The following NCAPH variants were observed in gnomAD, a reference collection of about 807,000 sequenced individuals.
NCAPH encodes condensin complex subunit 2.
In NCAPH, 38 loss-of-function variants were observed where a neutral mutation model predicts 85.5. That is an observed-to-expected ratio of 0.44 (90% CI 0.34 to 0.58). The LOEUF is 0.58. Ranked by LOEUF, NCAPH falls within the 20% of genes least tolerant of loss-of-function variation. The pLI is 0.01. For synonymous variants in NCAPH, 301 were observed against 335.1 expected (o/e 0.90, Z 1.11); for missense variants, 789 against 916.6 (o/e 0.86, Z 1.80).
intron 3 of NCAPH, among the ~76,000 whole-genome samples, chr2:96,342,502 C>T (rs775797380): frequency 2.6e-5 from 4 of 152,076 alleles, no homozygotes; most frequent in African/African-American, 9.7e-5. Context: ...AGGGTGAGTC[C>T]CTTTGTGTGC....
chr2:96,350,826 CATCA>C (rs957327244), intron 6 of NCAPH, among the ~76,000 whole-genome samples: 2 of 152,178 alleles, frequency 1.3e-5, no homozygotes, highest in South Asian at 4.1e-4. Flanking sequence ...CGTTCTGAGG[CATCA>C]GGAAGACCTG....
intron 12 of NCAPH, among the ~76,000 whole-genome samples, chr2:96,361,763 T>TACAC (rs1553447766): frequency 1.2e-4 from 15 of 128,888 alleles, no homozygotes; most frequent in East Asian, 2.1e-4. Context: ...TATATATATA[T>TACAC]ATATACATAT....
intron 6 of NCAPH, among the ~76,000 whole-genome samples, chr2:96,351,411 G>A (rs1338099139): frequency 6.6e-6 from 1 of 152,186 alleles, no homozygotes; most frequent in Non-Finnish European, 1.5e-5. Flanking sequence ...GTTCACAACT[G>A]TAGTCCCAGT....
intron 9 of NCAPH, among the ~76,000 whole-genome samples, chr2:96,354,601 A>G (rs1488561790): frequency 1.3e-5 from 2 of 152,032 alleles, no homozygotes; most frequent in Non-Finnish European, 2.9e-5. Context: ...CCAGGATTTC[A>G]GGTGTGAGCC....
intron 17 of NCAPH, among the ~76,000 whole-genome samples, chr2:96,370,899 A>G (rs975056755): frequency 1.3e-5 from 2 of 152,136 alleles, no homozygotes; most frequent in South Asian, 4.1e-4. Flanking sequence ...CTGAACTTGC[A>G]TGGCTGCTGT....
At chr2:96,371,108 C>T (rs560857681) in intron 17 of NCAPH, among the ~76,000 whole-genome samples, 1 of 152,260 alleles carries the variant, frequency 6.6e-6, no homozygotes, top group South Asian at 2.1e-4. Context: ...ATTGTTCTGA[C>T]AAGAAATCTA....
rs1469579772 is a variant in NCAPH, at chr2:96,351,885, G to C, written c.775G>C (p.Gly259Arg). ...AASFDECSTA[G>R]VFLSTLHCQD... ...CTCATTTGATGAGTGCAGCACAGCA[G>C]GGGTGTTTCTGTCCACTCTCCACTG... Residue 259 changes from glycine (G) to arginine (R), a missense_variant, in exon 7 of 18, where the codon GGG becomes CGG. Coordinates refer to ENST00000240423, the MANE Select transcript of NCAPH (RefSeq NM_015341.5). 6.2e-7 allele frequency: 1 copy of C among 1,614,120 alleles called. No individual in the cohort carries two copies. Among genetic ancestry groups the C allele is most frequent in the Non-Finnish European group, 8.5e-7 (1 of 1,179,976 alleles).
At chr2:96,352,513 CAG>C (rs2064458745) in intron 7 of NCAPH, among the ~76,000 whole-genome samples, 1 of 152,206 alleles carries the variant, frequency 6.6e-6, no homozygotes, top group Admixed American at 6.5e-5. Flanking sequence ...ACTGGCTTGA[CAG>C]AGATTTTAGC....
intron 9 of NCAPH, among the ~76,000 whole-genome samples, chr2:96,357,137 C>T (rs1387487452): frequency 3.3e-5 from 5 of 152,204 alleles, no homozygotes; most frequent in South Asian, 2.1e-4. Context: ...TTCACGCATG[C>T]GAGAATGAAA....
intron 9 of NCAPH, among the ~76,000 whole-genome samples, chr2:96,355,086 TGGA>T (rs1349815053): frequency 2.0e-5 from 3 of 152,064 alleles, no homozygotes; most frequent in African/African-American, 7.2e-5. Context: ...TGAGAATATT[TGGA>T]GGAGAAGAAG....
At chr2:96,362,991 G>A (rs1407446988) in intron 12 of NCAPH, among the ~76,000 whole-genome samples, 3 of 152,208 alleles carry the variant, frequency 2.0e-5, no homozygotes, top group African/African-American at 7.2e-5. Flanking sequence ...ATGCTTCAGA[G>A]AAATCTTTAG....
intron 8 of NCAPH, among the ~76,000 whole-genome samples, chr2:96,353,718 G>A (rs1411984991): frequency 6.6e-6 from 1 of 152,064 alleles, no homozygotes; most frequent in Non-Finnish European, 1.5e-5. Context: ...CAGTGGCCTC[G>A]AATCTCTTAG....
chr2:96,358,961 C>A, intron 9 of NCAPH, 84 bp from the exon 10 acceptor site: 2 of 1,334,680 alleles, frequency 1.5e-6, no homozygotes, highest in Non-Finnish European at 2.1e-6. Context: ...CACAGAAATG[C>A]AGCTCATTTG....
At chr2:96,339,617 C>T (rs924792939) in intron 1 of NCAPH, among the ~76,000 whole-genome samples, 1 of 151,260 alleles carries the variant, frequency 6.6e-6, no homozygotes, top group Non-Finnish European at 1.5e-5. Context: ...AAAGAGAAGT[C>T]CTTGAACACC....
chr2:96,362,883 A>G (rs958776761), intron 12 of NCAPH, among the ~76,000 whole-genome samples: 1 of 152,228 alleles, frequency 6.6e-6, no homozygotes, highest in Non-Finnish European at 1.5e-5. Flanking sequence ...AGAATGTTAC[A>G]TAGTCTTAGT....
chr2:96,373,940 G>A lies in NCAPH; in HGVS notation c.*589G>A, dbSNP rs747122007. Reference sequence around the variant, plus strand: ...CCAGGATACACACCTGTCAGTATAAGGCAGAAGATGCCTAAGGGCCAAGAT... The same window carrying A: ...CCAGGATACACACCTGTCAGTATAAAGCAGAAGATGCCTAAGGGCCAAGAT... On this transcript the variant is annotated 3_prime_UTR_variant, in exon 18 of 18. Coordinates refer to ENST00000240423, the MANE Select transcript of NCAPH (RefSeq NM_015341.5). 1 of 152,338 alleles carries A rather than the reference G, an allele frequency of 6.6e-6. No individual in the cohort carries two copies. The highest frequency in any genetic ancestry group is 1.5e-5 in the Non-Finnish European group (1 of 68,064). 9.4% of individuals were successfully genotyped at this position (152,338 alleles called of 1,614,324 possible).
intron 7 of NCAPH, 115 bp from the exon 8 acceptor site, chr2:96,353,191 C>T (rs2064470403): frequency 5.0e-6 from 4 of 794,596 alleles, no homozygotes; most frequent in Admixed American, 2.3e-5. Flanking sequence ...TGCTGGAGGA[C>T]AGTGAGGTAA....
intron 15 of NCAPH, among the ~76,000 whole-genome samples, chr2:96,368,643 GAGA>G (rs2064731006): frequency 7.9e-5 from 12 of 152,036 alleles, no homozygotes; most frequent in Admixed American, 7.9e-4. Context: ...GCGACAGAGC[GAGA>G]CTCCGTCTCA....
chr2:96,349,416 C>G (rs940897222), intron 6 of NCAPH, among the ~76,000 whole-genome samples: 1 of 151,686 alleles, frequency 6.6e-6, no homozygotes, highest in African/African-American at 2.4e-5. Context: ...GAGTCTCACT[C>G]TGTTGCCCAG....
Sources: allele counts gnomAD v4.1 joint callset (sites outside exome capture counted in the v4.1 genomes callset), GRCh38; gene constraint gnomAD v4.1.1; transcripts MANE v1.5; gene names NCBI Gene and HGNC (gene_info 2026-07-23, HGNC 2026-07-21).